RFC1: variants seen among roughly 807,000 people sequenced by gnomAD.
RFC1 encodes A1 140 kDa subunit.
In RFC1, 37 loss-of-function variants were observed where a neutral mutation model predicts 137.4. That is an observed-to-expected ratio of 0.27 (90% CI 0.21 to 0.35). The LOEUF (loss-of-function observed/expected upper bound fraction) is 0.35, where lower values mean the gene tolerates loss of function less well. Among genes scored for constraint, RFC1 ranks in the 10% least tolerant of loss-of-function variants. The probability of loss-of-function intolerance (pLI) is 1.00; values close to 1 mark genes in which losing one functional copy is unlikely to be tolerated. For missense variants in RFC1, 1,205 were observed against 1,358.5 expected, an observed-to-expected ratio of 0.89 and a Z score of 1.78; for synonymous variants, 429 against 455.7, an observed-to-expected ratio of 0.94 and a Z score of 0.75.
chr4:39,300,784 G>T (rs536628660), intron 19 of RFC1, among the ~76,000 whole-genome samples: 2 of 152,228 alleles, frequency 1.3e-5, no homozygotes, highest in South Asian at 4.1e-4. Context: ...AAAGAAGTGA[G>T]CTATCAAGCC....
Position 39,327,695 on chromosome 4 carries a change from A to T in RFC1, c.393T>A (p.Ser131=), listed in dbSNP as rs1228244559. ...TTGATGTTCCAAGATGACTATTTGT[A>T]GATCTTCCATTCTCTTTTGATTTAG... is the stretch of plus-strand genomic sequence containing the variant. ...AASKSKENGR[S]TNSHLGTSNM... The change falls in exon 5 of 25, where the codon TCT becomes TCA. Residue 131 remains serine (S), a synonymous_variant. Transcript: ENST00000349703. The T allele has an allele frequency of 6.2e-7, 1 of 1,613,260 alleles. No homozygotes were observed. Among genetic ancestry groups the T allele is most frequent in the Non-Finnish European group, 8.5e-7 (1 of 1,179,708 alleles).
intron 8 of RFC1, among the ~76,000 whole-genome samples, chr4:39,320,911 A>G (rs1350809679): frequency 2.0e-5 from 3 of 152,226 alleles, no homozygotes; most frequent in Admixed American, 2.0e-4. Flanking sequence ...CCTACAGGCA[A>G]TAAGCAAGAG....
chr4:39,295,760 C>A lies in RFC1; in HGVS notation c.2809-1G>T. 6.2e-7 allele frequency: 1 copy of A among 1,601,158 alleles called. No homozygotes were observed. Among genetic ancestry groups the A allele is most frequent in the African/African-American group, 1.4e-5 (1 of 74,060 alleles). On this transcript the variant is annotated splice_acceptor_variant, in intron 21 of 24. Transcript: ENST00000349703. LOFTEE classifies it high-confidence loss of function. The stretch of plus-strand genomic sequence containing the variant: ...CAGGAAGAACACTGGCATAAATGGC[C>A]TGAAAAAAAATCAATTGCAGTCCAG...
chr4:39,308,840 C>T lies in RFC1; in HGVS notation c.1681G>A (p.Glu561Lys). The T allele has an allele frequency of 6.2e-7, 1 of 1,614,186 alleles. No homozygotes were observed. The highest frequency in any genetic ancestry group is 1.1e-5 in the South Asian group (1 of 91,078). Residue 561 changes from glutamate to lysine, a missense_variant, in exon 13 of 25, where the codon GAG becomes AAG. By Grantham distance (56) the Glu-to-Lys change is moderately conservative (BLOSUM62 1). Coordinates refer to ENST00000349703, the MANE Select transcript of RFC1 (RefSeq NM_002913.5). ...GCCTTGCTGTCACCACTTGTCTCCT[C>T]AGCCACCTGCTCCTTGAAATCCAGG... ...KSLDFKEQVA[E>K]ETSGDSKARN...
chr4:39,345,546 A>G, intron 2 of RFC1, 70 bp from the exon 3 acceptor site: 3 of 1,223,144 alleles, frequency 2.5e-6, no homozygotes, highest in Non-Finnish European at 2.3e-6. Context: ...TTTGAGACGG[A>G]GTCTCACTCT....
intron 21 of RFC1, among the ~76,000 whole-genome samples, chr4:39,296,659 A>G (rs1010260255): frequency 1.3e-5 from 2 of 151,172 alleles, no homozygotes; most frequent in Non-Finnish European, 1.5e-5. Context: ...TCATTGTTGG[A>G]CATTTGGGTT....
intron 12 of RFC1, among the ~76,000 whole-genome samples, chr4:39,310,748 A>C (rs1168727048): frequency 1.3e-5 from 2 of 152,250 alleles, no homozygotes; most frequent in Admixed American, 6.5e-5. Context: ...ACAATTTAAA[A>C]AGTCCTAATA....
chr4:39,316,211 C>T (rs1443990939), intron 10 of RFC1, among the ~76,000 whole-genome samples: 2 of 152,212 alleles, frequency 1.3e-5, no homozygotes, highest in African/African-American at 2.4e-5. Flanking sequence ...GCCTGGGCAA[C>T]AGGAGCGAAA....
intron 19 of RFC1, among the ~76,000 whole-genome samples, chr4:39,301,929 G>T (rs1052020354): frequency 7.9e-5 from 12 of 152,264 alleles, no homozygotes; most frequent in African/African-American, 2.6e-4. Flanking sequence ...TTTCAGAGAG[G>T]TCATTAAACT....
chr4:39,300,369 T>C lies in RFC1; in HGVS notation c.2581A>G (p.Thr861Ala). The C allele has an allele frequency of 6.2e-7, 1 of 1,613,914 alleles. No individual in the cohort carries two copies. The highest frequency in any genetic ancestry group is 8.5e-7 in the Non-Finnish European group (1 of 1,179,880). Residue 861 changes from threonine to alanine, a missense_variant, in exon 20 of 25, where the codon ACT (threonine) becomes GCT (alanine). Physicochemically the swap from Thr to Ala is moderately conservative, Grantham distance 58 (BLOSUM62 0). Coordinates refer to ENST00000349703, the MANE Select transcript of RFC1 (RefSeq NM_002913.5). ...ARKVFAAGEE[T>A]AHMSLVDKSD... ...TTGTCCACAAGTGACATGTGAGCAG[T>C]CTCCTCTCCAGCTGCAAACACTTTC...
In RFC1 at chr4:39,288,823, G is replaced by C; in HGVS notation, c.3382C>G (p.Pro1128Ala). The change falls in exon 25 of 25, where the codon CCT becomes GCT. Residue 1128 changes from proline to alanine, a missense_variant. Coordinates refer to ENST00000349703, the MANE Select transcript of RFC1 (RefSeq NM_002913.5). Reference sequence around the variant, plus strand: ...TCCTTATCTTTTTCTGGTTTTGAAGGCTTTGAAGATTTTGTCTTTTTCTGT... The same window carrying C: ...TCCTTATCTTTTTCTGGTTTTGAAGCCTTTGAAGATTTTGTCTTTTTCTGT... ...MIKKKTKSSK[P>A]SKPEKDKEPR... 1 of 1,610,130 alleles carries C rather than the reference G, an allele frequency of 6.2e-7. No homozygotes were observed. The highest frequency in any genetic ancestry group is 8.5e-7 in the Non-Finnish European group (1 of 1,178,258).
rs752892893 is a variant in RFC1, at chr4:39,312,717, A to AG, written c.1383+34dup. 1.8e-5 allele frequency: 29 copies of AG among 1,574,400 alleles called. No individual in the cohort carries two copies. In the Admixed American group the frequency reaches 2.9e-4, roughly 16 times the overall value. On this transcript the variant is annotated intron_variant, in intron 11 of 24. Coordinates refer to ENST00000349703, the MANE Select transcript of RFC1 (RefSeq NM_002913.5). ...TCAAGAGTGTGCCAAGGCAGGCAGG[A>AG]GGTGTCATGGTGTTGAGAACAAAGC...
At chr4:39,325,268 T>C (rs1578139588) in intron 6 of RFC1, among the ~76,000 whole-genome samples, 1 of 152,250 alleles carries the variant, frequency 6.6e-6, no homozygotes, top group African/African-American at 2.4e-5. Context: ...GGAAGTCTAT[T>C]AGACATCTCA....
chr4:39,320,475 G>T lies in RFC1; in HGVS notation c.1003C>A (p.Pro335Thr). 6.2e-7 allele frequency: 1 copy of T among 1,604,248 alleles called. No individual in the cohort carries two copies. The highest frequency in any genetic ancestry group is 8.5e-7 in the Non-Finnish European group (1 of 1,177,274). The change falls in exon 9 of 25, where the codon CCT becomes ACT. Residue 335 changes from proline to threonine, a missense_variant. Coordinates refer to ENST00000349703, the MANE Select transcript of RFC1 (RefSeq NM_002913.5). ...TTTTCTTTTCTTTTTGAGGCCACAG[G>T]CTCTATTTCTTTATAAGAGCTCTCT... is the stretch of plus-strand genomic sequence containing the variant. The part of the protein sequence containing the change: ...KEESSYKEIE[P>T]VASKRKENAI...
intron 4 of RFC1, chr4:39,341,476 A>T (rs1211778076): frequency 2.6e-6 from 1 of 388,686 alleles, no homozygotes; most frequent in African/African-American, 2.1e-5. Flanking sequence ...AAATATGTTC[A>T]CATCACTTAC....
intron 4 of RFC1, among the ~76,000 whole-genome samples, chr4:39,329,815 A>G (rs1230028081): frequency 6.6e-6 from 1 of 152,194 alleles, no homozygotes; most frequent in Non-Finnish European, 1.5e-5. Context: ...TGGGCGGATC[A>G]TTTGAGGTCA....
intron 5 of RFC1, among the ~76,000 whole-genome samples, 184 bp from the exon 6 acceptor site, chr4:39,326,824 A>C (rs1296114614): frequency 6.6e-6 from 1 of 152,208 alleles, no homozygotes; most frequent in Non-Finnish European, 1.5e-5. Context: ...TCCAATCCCT[A>C]ATAAATATCC....
intron 16 of RFC1, 39 bp downstream of exon 16, chr4:39,303,021 A>T: frequency 1.3e-6 from 2 of 1,530,184 alleles, no homozygotes; most frequent in Non-Finnish European, 1.8e-6. Flanking sequence ...AATCTAAATT[A>T]TCAACAGTGA....
At chr4:39,358,045 C>T (rs548038997) in intron 1 of RFC1, among the ~76,000 whole-genome samples, 2 of 151,950 alleles carry the variant, frequency 1.3e-5, no homozygotes, top group African/African-American at 2.4e-5. Context: ...GAGGCCAAGG[C>T]GGGTGGATCA....
Sources: gnomAD v4.1 joint callset for allele counts (sites outside exome capture counted in the v4.1 genomes callset) on GRCh38, gnomAD v4.1.1 for gene constraint, MANE v1.5 for transcripts, NCBI Gene and HGNC (gene_info 2026-07-23, HGNC 2026-07-21) for gene names.